The following DNAH6 variants were observed in gnomAD, a reference collection of about 807,000 sequenced individuals.
DNAH6 encodes the protein axonemal beta dynein heavy chain 6.
DNAH6 carries 340 observed loss-of-function variants against 491.4 expected under a neutral mutation model. That is an observed-to-expected ratio of 0.69 (90% CI 0.63 to 0.76). The LOEUF is 0.76. DNAH6 is among the 30% of genes least tolerant of loss of function. The pLI is 0.00. For synonymous variants in DNAH6, 1,603 were observed against 1,686.1 expected, an observed-to-expected ratio of 0.95 and a Z score of 1.21; for missense variants, 4,443 against 4,972.2, an observed-to-expected ratio of 0.89 and a Z score of 3.20.
chr2:84,580,693 T>C (rs1682933627), intron 14 of DNAH6, among the ~76,000 whole-genome samples: 1 of 152,208 alleles, frequency 6.6e-6, no homozygotes. Context: ...TGCTTATAAA[T>C]TGTCCTAGGA....
At chr2:84,807,613 G>A (rs1381281666) in intron 71 of DNAH6, among the ~76,000 whole-genome samples, 1 of 152,134 alleles carries the variant, frequency 6.6e-6, no homozygotes, top group South Asian at 2.1e-4. Flanking sequence ...CGCTTGTATG[G>A]TAGAGGGGGA....
intron 16 of DNAH6, among the ~76,000 whole-genome samples, chr2:84,590,103 G>C (rs1683960461): frequency 6.6e-6 from 1 of 152,106 alleles, no homozygotes; most frequent in East Asian, 1.9e-4. Flanking sequence ...AGGCAGATTT[G>C]TGTGAGTTCA....
chr2:84,762,851 T>A lies in DNAH6; in HGVS notation c.10609T>A (p.Ser3537Thr). ...CCTGCCTACCCTGTATCAAGACATG[T>A]CATGCAACACTCCCCTGGTATTCAT... The part of the protein sequence containing the change: ...VDLPTLYQDM[S>T]CNTPLVFILS... Residue 3537 changes from serine to threonine, a missense_variant, in exon 64 of 77, where the codon TCA (serine) becomes ACA (threonine). Transcript: ENST00000389394. 6.4e-7 allele frequency: 1 copy of A among 1,551,278 alleles called. No homozygotes were observed. The highest frequency in any genetic ancestry group is 8.7e-7 in the Non-Finnish European group (1 of 1,146,642).
intron 44 of DNAH6, among the ~76,000 whole-genome samples, chr2:84,686,885 T>A (rs1694312950): frequency 6.6e-6 from 1 of 152,244 alleles, no homozygotes; most frequent in South Asian, 2.1e-4. Flanking sequence ...AGAAAAAGTT[T>A]GCTGACTCCT....
At chr2:84,743,923 A>G (rs979735207) in intron 62 of DNAH6, among the ~76,000 whole-genome samples, 2 of 152,212 alleles carry the variant, frequency 1.3e-5, no homozygotes, top group African/African-American at 2.4e-5. Flanking sequence ...TGATTACACA[A>G]TAAATAATGA....
At chr2:84,759,759 A>T (rs967035456) in intron 63 of DNAH6, among the ~76,000 whole-genome samples, 6 of 152,182 alleles carry the variant, frequency 3.9e-5, no homozygotes, top group Non-Finnish European at 8.8e-5. Flanking sequence ...GAATTAGAAA[A>T]AGCAATCCTA....
Position 84,593,865 on chromosome 2 carries a change from A to G in DNAH6, c.2611-107A>G, listed in dbSNP as rs72941028. The G allele has an allele frequency of 0.015, 7,765 of 528,884 alleles. 512 individuals are homozygous for G. Among genetic ancestry groups the G allele is most frequent in the African/African-American group, 0.14 (6,903 of 50,088 alleles). 32.8% of individuals were successfully genotyped at this position (528,884 alleles called of 1,614,324 possible). A position where few individuals can be genotyped will look rare whatever the true frequency, so the allele number is the denominator to read the frequency against. On this transcript the variant is annotated intron_variant, in intron 16 of 76. Coordinates refer to ENST00000389394, the MANE Select transcript of DNAH6 (RefSeq NM_001370.2). Reference sequence around the variant, plus strand: ...CCTTTTCTTAATCCATTTAGGATGCACATTCTTCCAAGCAATCACTGTACC... The same window carrying G: ...CCTTTTCTTAATCCATTTAGGATGCGCATTCTTCCAAGCAATCACTGTACC...
intron 33 of DNAH6, among the ~76,000 whole-genome samples, chr2:84,651,096 C>A (rs1043756908): frequency 6.6e-6 from 1 of 152,062 alleles, no homozygotes; most frequent in Non-Finnish European, 1.5e-5. Context: ...AGAGTAGAAG[C>A]GCCTCATTAC....
chr2:84,768,381 G>A (rs1675289636), intron 64 of DNAH6, among the ~76,000 whole-genome samples: 1 of 151,600 alleles, frequency 6.6e-6, no homozygotes, highest in South Asian at 2.1e-4. Context: ...TTATCAAAAT[G>A]AATAAGGGAA....
At position 84,634,514 on chromosome 2, in the gene DNAH6, G is replaced by A. The variant is rs185075586; in HGVS notation, c.4526G>A (p.Arg1509His). Reference protein sequence around the residue: ...SDGLDYKMMGRFFSGLAQSGA... With the variant: ...SDGLDYKMMGHFFSGLAQSGA... Reference sequence around the variant, plus strand: ...TTATTTTGATTTCAGATGATGGGGCGCTTCTTCAGTGGCTTGGCACAGTCA... The same window carrying A: ...TTATTTTGATTTCAGATGATGGGGCACTTCTTCAGTGGCTTGGCACAGTCA... The change falls in exon 30 of 77, where the codon CGC becomes CAC. Residue 1509 changes from arginine to histidine, a missense_variant. Physicochemically the swap from Arg to His is conservative, Grantham distance 29. Transcript: ENST00000389394. The A allele has an allele frequency of 3.6e-5, 56 of 1,538,856 alleles. 1 individual carries two copies. Among genetic ancestry groups the A allele is most frequent in the South Asian group, 1.5e-4 (12 of 81,622 alleles).
intron 70 of DNAH6, 83 bp downstream of exon 70, chr2:84,797,741 G>A: frequency 9.0e-7 from 1 of 1,110,056 alleles, no homozygotes; most frequent in Admixed American, 2.5e-5. Flanking sequence ...ACTCACTCTG[G>A]AAATTATAAT....
intron 61 of DNAH6, among the ~76,000 whole-genome samples, chr2:84,732,486 T>C (rs1699204485): frequency 6.6e-6 from 1 of 152,186 alleles, no homozygotes; most frequent in Non-Finnish European, 1.5e-5. Context: ...TGCTACAACA[T>C]GGATGAACCT....
chr2:84,795,079 C>T (rs1274600032), intron 68 of DNAH6, among the ~76,000 whole-genome samples: 11 of 139,136 alleles, frequency 7.9e-5, no homozygotes, highest in Middle Eastern at 3.6e-3. Flanking sequence ...ATCGCAAGGA[C>T]AAAAAACCAA....
At chr2:84,524,598 C>T (rs1235714613) in intron 2 of DNAH6, among the ~76,000 whole-genome samples, 1 of 151,910 alleles carries the variant, frequency 6.6e-6, no homozygotes, top group Non-Finnish European at 1.5e-5. Context: ...GTATTTAGTG[C>T]CTTTCTTCAA....
chr2:84,705,511 C>T lies in DNAH6; in HGVS notation c.8491C>T (p.Leu2831Phe). ...GCCTGATTGGCCATCAGCAAAGCAA[C>T]TTCTTGGTGACTCTAACTTTCTAAA... ...AKPDWPSAKQ[L>F]LGDSNFLKRL... is the part of the protein sequence containing the mutation. Residue 2831 changes from leucine (L) to phenylalanine (F), a missense_variant, in exon 52 of 77, where the codon CTT (leucine) becomes TTT (phenylalanine). Coordinates refer to ENST00000389394, the MANE Select transcript of DNAH6 (RefSeq NM_001370.2). 6.5e-7 allele frequency: 1 copy of T among 1,549,606 alleles called. No homozygotes were observed. The highest frequency in any genetic ancestry group is 8.7e-7 in the Non-Finnish European group (1 of 1,146,088).
chr2:84,562,928 A>AT (rs1449068425), intron 11 of DNAH6, among the ~76,000 whole-genome samples: 2 of 152,220 alleles, frequency 1.3e-5, no homozygotes, highest in East Asian at 3.8e-4. Context: ...TAGCTCCCGT[A>AT]TCCCTAAGTG....
rs1484142532 is a variant in DNAH6, at chr2:84,704,262, A to G, written c.8425A>G (p.Met2809Val). The G allele has an allele frequency of 4.5e-6, 7 of 1,551,656 alleles. No individual in the cohort carries two copies. The highest frequency in any genetic ancestry group is 3.3e-4 in the Middle Eastern group (2 of 6,014). The change falls in exon 51 of 77, where the codon ATG (methionine) becomes GTG (valine). Residue 2809 changes from methionine to valine, a missense_variant. Around this residue, in one of 3 missense-constraint regions of DNAH6, gnomAD observed 1,463 missense variants for 1,656.6 expected, o/e 0.88. Transcript: ENST00000389394. ...TTTTACAAAGCCCCCAGATTTGGTC[A>G]TGACAGTAATGGAAGCAATCTCCAT... ...RVFTKPPDLVMTVMEAISILL... is the reference protein window; with the variant it reads ...RVFTKPPDLVVTVMEAISILL...
rs1193812338 is a variant in DNAH6, at chr2:84,640,543, C to T, written c.4935C>T (p.Gly1645=). The T allele has an allele frequency of 5.2e-6, 8 of 1,550,862 alleles. No homozygotes were observed. The highest frequency in any genetic ancestry group is 5.2e-6 in the Non-Finnish European group (6 of 1,146,536). The change falls in exon 32 of 77, where the codon GGC becomes GGT. Residue 1645 remains glycine (G), a synonymous_variant. Coordinates refer to ENST00000389394, the MANE Select transcript of DNAH6 (RefSeq NM_001370.2). ...QLSQQDHYDF[G]MRAVKSVLVM... The stretch of plus-strand genomic sequence containing the variant: ...CTCAGCAGGATCACTACGACTTTGG[C>T]ATGAGAGCTGTGAAGTCTGTCCTGG...
chr2:84,732,647 A>G (rs1050975850), intron 61 of DNAH6, among the ~76,000 whole-genome samples: 1 of 152,206 alleles, frequency 6.6e-6, no homozygotes, highest in South Asian at 2.1e-4. Context: ...GGGGAGTAAT[A>G]GCTAAGGGGT....
Sources: allele counts gnomAD v4.1 joint callset (sites outside exome capture counted in the v4.1 genomes callset), GRCh38; gene constraint gnomAD v4.1.1; regional missense constraint gnomAD v4.1.1; transcripts MANE v1.5; gene names NCBI Gene and HGNC (gene_info 2026-07-23, HGNC 2026-07-21).